Variants in TRNT1 observed in about 807,000 individuals in gnomAD.
TRNT1 encodes tRNA nucleotidyl transferase 1.
Under a neutral mutation model 45.6 loss-of-function variants are expected in TRNT1, and 44 were observed. The observed-to-expected ratio is 0.97, with a 90% CI of 0.76 to 1.24. The LOEUF is 1.24. Ranked by LOEUF, TRNT1 falls within the 50% of genes most tolerant of loss-of-function variation. The pLI, the probability that TRNT1 is intolerant of heterozygous loss-of-function variation, is 0.00. For synonymous variants in TRNT1, 201 were observed against 171.4 expected (o/e 1.17, Z -1.35); for missense variants, 633 against 504.4 (o/e 1.25, Z -2.44).
downstream of TRNT1, chr3:3,153,352 G>A: frequency 1.1e-6 from 1 of 919,250 alleles, no homozygotes; most frequent in Admixed American, 1.8e-5. Flanking sequence ...GAAAGTTTAT[G>A]GAAAACAGAA....
downstream of TRNT1, chr3:3,152,577 A>T (rs750807009): frequency 6.2e-7 from 1 of 1,614,124 alleles, no homozygotes; most frequent in East Asian, 2.2e-5. Flanking sequence ...ATCGGCCCAC[A>T]TAAGGATAAA....
chr3:3,128,169 C>T (rs1704722857), intron 1 of TRNT1, among the ~76,000 whole-genome samples: 1 of 152,150 alleles, frequency 6.6e-6, no homozygotes. Flanking sequence ...GGTGATTACC[C>T]TTATATTCTC....
Position 3,142,155 on chromosome 3 carries a change from C to T in TRNT1, c.481+1507C>T, listed in dbSNP as rs551169060. Among the ~76,000 whole-genome samples the T allele has an allele frequency of 3.9e-5, 6 of 152,232 alleles. No homozygotes were observed. The South Asian group carries it at 6.2e-4, about 16-fold the overall frequency. Reference sequence around the variant, plus strand: ...ATATTTACTCATAGAGGAAGCTGCTCCAAATAGTGCAATATAGAGTCTTGT... The same window carrying T: ...ATATTTACTCATAGAGGAAGCTGCTTCAAATAGTGCAATATAGAGTCTTGT... On this transcript the variant is annotated intron_variant, in intron 4 of 7. Transcript: ENST00000251607.
At chr3:3,152,514 T>C (rs201340201), downstream of TRNT1, 20 of 1,614,068 alleles carry the variant, frequency 1.2e-5, no homozygotes, top group East Asian at 1.1e-4. Context: ...TTGCAAGCCT[T>C]ATACACAGTA....
At chr3:3,139,444 A>G (rs1156768127) in intron 3 of TRNT1, among the ~76,000 whole-genome samples, 1 of 152,228 alleles carries the variant, frequency 6.6e-6, no homozygotes, top group East Asian at 1.9e-4. Flanking sequence ...CTTCCTAAAT[A>G]AAGACATTCC....
rs188996288 is a variant in TRNT1, at chr3:3,136,932, T to G, written c.149-328T>G. ...TCCCAAAGTATCAGGATTACAGATG[T>G]GAGCCACTGCGCCTGACCTGCTTTA... On this transcript the variant is annotated intron_variant, in intron 2 of 7. Transcript: ENST00000251607. The G allele has an allele frequency of 2.9e-3, 813 of 277,810 alleles. 3 individuals carry two copies. The highest frequency in any genetic ancestry group is 4.2e-3 in the Non-Finnish European group (603 of 142,338). The allele number at this position is 277,810 out of a possible 1,614,324, so 17.2% of individuals were successfully genotyped here. A position where few individuals can be genotyped will look rare whatever the true frequency, so the allele number is the denominator to read the frequency against.
At chr3:3,144,514 C>G in intron 4 of TRNT1, 70 bp from the exon 5 acceptor site, 1 of 1,426,890 alleles carries the variant, frequency 7.0e-7, no homozygotes, top group Non-Finnish European at 9.6e-7. Context: ...TAGTGTTTAG[C>G]TGATTTTCTT....
intron 4 of TRNT1, among the ~76,000 whole-genome samples, chr3:3,142,537 G>T (rs1166489327): frequency 1.3e-5 from 2 of 152,144 alleles, no homozygotes; most frequent in Non-Finnish European, 2.9e-5. Flanking sequence ...TATTTTAAAA[G>T]GATGATATTC....
At chr3:3,152,109 G>C (rs1706599720), downstream of TRNT1, among the ~76,000 whole-genome samples, 1 of 151,728 alleles carries the variant, frequency 6.6e-6, no homozygotes, top group Non-Finnish European at 1.5e-5. Flanking sequence ...AAGTGCAACA[G>C]ATGTTTCTAG....
At chr3:3,149,962 A>C (rs1278105823), downstream of TRNT1, 1 of 152,200 alleles carries the variant, frequency 6.6e-6, no homozygotes, top group African/African-American at 2.4e-5. Context: ...CCTTTTTAGA[A>C]CTTTAAAATT....
At chr3:3,137,912 T>C in intron 3 of TRNT1, among the ~76,000 whole-genome samples, 1 of 152,238 alleles carries the variant, frequency 6.6e-6, no homozygotes, top group African/African-American at 2.4e-5. Flanking sequence ...ATTTCTTCTA[T>C]TGGCATGTTT....
At chr3:3,132,734 A>AAC (rs1468210870) in intron 2 of TRNT1, among the ~76,000 whole-genome samples, 1 of 132,472 alleles carries the variant, frequency 7.5e-6, no homozygotes, top group Non-Finnish European at 1.6e-5. Flanking sequence ...ATTGAAGGAA[A>AAC]AAAAAAAAAA....
intron 5 of TRNT1, among the ~76,000 whole-genome samples, chr3:3,145,830 T>C (rs1288562047): frequency 6.6e-6 from 1 of 152,098 alleles, no homozygotes; most frequent in Non-Finnish European, 1.5e-5. Context: ...TTTACTTATT[T>C]AGCATCACTT....
downstream of TRNT1, chr3:3,152,465 C>T: frequency 1.2e-6 from 2 of 1,613,096 alleles, no homozygotes; most frequent in Non-Finnish European, 1.7e-6. Context: ...CCCAGGAAAC[C>T]AGCTGTGTTC....
In TRNT1 at chr3:3,129,201, G is replaced by A; in HGVS notation, c.148+13G>A. 6.2e-7 allele frequency: 1 copy of A among 1,613,134 alleles called. No individual in the cohort carries two copies. ...AAGAGTCTGACAGGTGAGAGATTAG[G>A]ATACCTTTTCTTGATTGGAAACCTA... On this transcript the variant is annotated intron_variant, in intron 2 of 7. Coordinates refer to ENST00000251607, the MANE Select transcript of TRNT1 (RefSeq NM_182916.3).
At chr3:3,150,015 G>A (rs1706390768), downstream of TRNT1, 1 of 152,060 alleles carries the variant, frequency 6.6e-6, no homozygotes, top group South Asian at 2.1e-4. Context: ...AACATGTTTA[G>A]TTTCACACTT....
intron 3 of TRNT1, among the ~76,000 whole-genome samples, chr3:3,138,850 G>A (rs1002415598): frequency 9.9e-5 from 15 of 152,182 alleles, no homozygotes; most frequent in African/African-American, 3.6e-4. Context: ...TTTCCTCCGA[G>A]TGTTTTCTTT....
rs138682354 is a variant in TRNT1, at chr3:3,129,147, A to G, written c.107A>G (p.Glu36Gly). ...TTCACAATGAAGTTGCAGTCTCCCG[A>G]ATTCCAGTCACTTTTCACAGAAGGA... is the stretch of plus-strand genomic sequence containing the variant. ...YLFTMKLQSP[E>G]FQSLFTEGLK... is the part of the protein sequence containing the mutation. The change falls in exon 2 of 8, where the codon GAA becomes GGA. Residue 36 changes from glutamate to glycine, a missense_variant. Physicochemically the swap from Glu to Gly is moderately conservative, Grantham distance 98 (BLOSUM62 -2). Transcript: ENST00000251607. 6.2e-7 allele frequency: 1 copy of G among 1,614,186 alleles called. No homozygotes were observed. Among genetic ancestry groups the G allele is most frequent in the Non-Finnish European group, 8.5e-7 (1 of 1,180,034 alleles).
intron 6 of TRNT1, 148 bp from the exon 7 acceptor site, chr3:3,147,302 C>A (rs143425766): frequency 1.2e-6 from 1 of 827,224 alleles, no homozygotes; most frequent in Middle Eastern, 3.8e-4. Context: ...ATTAGTGGTT[C>A]GCCTTTAAGT....
Sources: gnomAD v4.1 joint callset for allele counts (sites outside exome capture counted in the v4.1 genomes callset) on GRCh38, gnomAD v4.1.1 for gene constraint, MANE v1.5 for transcripts, NCBI Gene and HGNC (gene_info 2026-07-23, HGNC 2026-07-21) for gene names.